The following FCHSD2 variants were observed in gnomAD, a reference collection of about 807,000 sequenced individuals.
FCHSD2 encodes F-BAR and double SH3 domains protein 2.
In FCHSD2, 38 loss-of-function variants were observed where a neutral mutation model predicts 108.1. The ratio of observed to expected loss-of-function variants is 0.35; its 90% confidence interval spans 0.27 to 0.46. FCHSD2 has a LOEUF of 0.46. Among genes scored for constraint, FCHSD2 ranks in the 20% least tolerant of loss-of-function variants. FCHSD2 has a pLI of 1.00. For synonymous variants in FCHSD2, 279 were observed against 314.7 expected, an observed-to-expected ratio of 0.89 and a Z score of 1.20; for missense variants, 751 against 897.8, an observed-to-expected ratio of 0.84 and a Z score of 2.09.
rs763496451 is a variant in FCHSD2, at chr11:72,849,768, A to T, written c.1430T>A (p.Val477Asp). 1.2e-6 allele frequency: 2 copies of T among 1,611,280 alleles called. No individual in the cohort carries two copies. Among genetic ancestry groups the T allele is most frequent in the East Asian group, 4.5e-5 (2 of 44,866 alleles). The change falls in exon 14 of 20, where the codon GTT becomes GAT. Residue 477 changes from valine to aspartate, a missense_variant. Coordinates refer to ENST00000409418, the MANE Select transcript of FCHSD2 (RefSeq NM_014824.3). ...AGAAATACAAACCTTGTAGGAATAAACAACTTTGCAGGTGAGTGGATAATT... is the reference window on the plus strand; with the variant it reads ...AGAAATACAAACCTTGTAGGAATAATCAACTTTGCAGGTGAGTGGATAATT... ...LRNYPLTCKV[V>D]YSYKASQPDE...
At chr11:72,980,663 A>ATG (rs1299967370) in intron 8 of FCHSD2, among the ~76,000 whole-genome samples, 113 of 107,206 alleles carry the variant, frequency 1.1e-3, no homozygotes, top group Non-Finnish European at 1.2e-3. Context: ...ATGTATGTGT[A>ATG]TGTGTGTGTG....
intron 8 of FCHSD2, among the ~76,000 whole-genome samples, chr11:72,965,214 C>T (rs1208516176): frequency 1.3e-5 from 2 of 152,180 alleles, no homozygotes; most frequent in South Asian, 4.1e-4. Context: ...TTGCTACACT[C>T]CAGCTGTACA....
intron 12 of FCHSD2, among the ~76,000 whole-genome samples, chr11:72,885,931 G>A (rs186867395): frequency 1.6e-3 from 250 of 152,232 alleles, no homozygotes; most frequent in Non-Finnish European, 3.0e-3. Flanking sequence ...GGGGTTACTG[G>A]GGTTTCTCCA....
chr11:73,108,700 C>T (rs1285545959), intron 2 of FCHSD2, among the ~76,000 whole-genome samples: 1 of 152,144 alleles, frequency 6.6e-6, no homozygotes, highest in Non-Finnish European at 1.5e-5. Context: ...TCCCGAGTAG[C>T]TGGGACTACA....
At position 72,924,220 on chromosome 11, in the gene FCHSD2, C is replaced by A. The variant is rs570717496; in HGVS notation, c.706-2270G>T. Among the ~76,000 whole-genome samples, 5 of 152,266 alleles carry A rather than the reference C, an allele frequency of 3.3e-5. No individual in the cohort carries two copies. In the South Asian group the frequency reaches 1.0e-3, roughly 32 times the overall value. On this transcript the variant is annotated intron_variant, in intron 8 of 19. Coordinates refer to ENST00000409418, the MANE Select transcript of FCHSD2 (RefSeq NM_014824.3). ...CCTCCTAAATAGCTGGGACCACAGG[C>A]ACTCACCACTGCATCTGGCTTACAA...
At chr11:73,000,222 A>C (rs1310703718) in intron 5 of FCHSD2, among the ~76,000 whole-genome samples, 1 of 152,222 alleles carries the variant, frequency 6.6e-6, no homozygotes, top group African/African-American at 2.4e-5. Flanking sequence ...GATGGCTTCT[A>C]AAATATTATT....
intron 12 of FCHSD2, among the ~76,000 whole-genome samples, chr11:72,875,981 G>A (rs1854960851): frequency 1.3e-5 from 2 of 152,206 alleles, no homozygotes; most frequent in Non-Finnish European, 2.9e-5. Flanking sequence ...CAGTCCTCTA[G>A]CTGAAAGTAA....
chr11:72,966,576 C>T (rs1856911193), intron 8 of FCHSD2, among the ~76,000 whole-genome samples: 1 of 152,128 alleles, frequency 6.6e-6, no homozygotes, highest in Non-Finnish European at 1.5e-5. Context: ...ACTGGTTTTT[C>T]ATTTTTGTGT....
At chr11:72,872,884 G>A (rs1413725537) in intron 12 of FCHSD2, among the ~76,000 whole-genome samples, 3 of 152,098 alleles carry the variant, frequency 2.0e-5, no homozygotes, top group Non-Finnish European at 4.4e-5. Flanking sequence ...TTTTCAACGT[G>A]GCTTTATCAT....
At chr11:73,132,824 GAA>G (rs35412486) in intron 2 of FCHSD2, among the ~76,000 whole-genome samples, 2 of 110,918 alleles carry the variant, frequency 1.8e-5, no homozygotes, top group Non-Finnish European at 1.7e-5. Flanking sequence ...AACGGTAACA[GAA>G]AAAAAAAAAA....
At chr11:73,045,552 A>G (rs1331043412) in intron 3 of FCHSD2, among the ~76,000 whole-genome samples, 2 of 151,592 alleles carry the variant, frequency 1.3e-5, no homozygotes, top group Non-Finnish European at 2.9e-5. Context: ...GATTAAGAAA[A>G]TGTGGCACAT....
intron 9 of FCHSD2, among the ~76,000 whole-genome samples, chr11:72,910,360 T>C (rs577396434): frequency 1.3e-5 from 2 of 151,686 alleles, no homozygotes; most frequent in Non-Finnish European, 1.5e-5. Context: ...CGGGCCATGA[T>C]GACGATGGCG....
intron 9 of FCHSD2, among the ~76,000 whole-genome samples, chr11:72,904,866 G>A (rs1165244816): frequency 6.6e-6 from 1 of 152,172 alleles, no homozygotes; most frequent in Non-Finnish European, 1.5e-5. Context: ...AGAGTTTCCT[G>A]TAGTCTGGGA....
chr11:72,947,887 A>G (rs547419584), intron 8 of FCHSD2, among the ~76,000 whole-genome samples: 1 of 152,344 alleles, frequency 6.6e-6, no homozygotes, highest in African/African-American at 2.4e-5. Flanking sequence ...CATATTATTT[A>G]TGATTCTCAT....
intron 3 of FCHSD2, among the ~76,000 whole-genome samples, chr11:73,078,086 A>G (rs1481715620): frequency 6.6e-6 from 1 of 152,060 alleles, no homozygotes; most frequent in East Asian, 1.9e-4. Context: ...TATGACTTGT[A>G]CTCTTCTCTG....
At chr11:73,004,555 A>G (rs1040765474) in intron 4 of FCHSD2, among the ~76,000 whole-genome samples, 1 of 151,918 alleles carries the variant, frequency 6.6e-6, no homozygotes, top group Admixed American at 6.6e-5. Context: ...TTTTCAGTTC[A>G]TTACCCAGCT....
At chr11:73,034,025 T>C (rs1173958087) in intron 3 of FCHSD2, among the ~76,000 whole-genome samples, 1 of 152,194 alleles carries the variant, frequency 6.6e-6, no homozygotes, top group Non-Finnish European at 1.5e-5. Context: ...ATAGCAAATA[T>C]ATCATCTTTT....
At chr11:73,095,467 CT>C (rs1860052125) in intron 2 of FCHSD2, among the ~76,000 whole-genome samples, 1 of 152,174 alleles carries the variant, frequency 6.6e-6, no homozygotes, top group Non-Finnish European at 1.5e-5. Flanking sequence ...AGACTCTCCC[CT>C]CTCCTCCAGT....
chr11:72,926,987 C>T (rs909937921), intron 8 of FCHSD2, among the ~76,000 whole-genome samples: 1 of 152,148 alleles, frequency 6.6e-6, no homozygotes. Flanking sequence ...GATTTACTTC[C>T]AACAGGGATT....
Sources: gnomAD v4.1 joint callset for allele counts (sites outside exome capture counted in the v4.1 genomes callset) on GRCh38, gnomAD v4.1.1 for gene constraint, MANE v1.5 for transcripts, NCBI Gene and HGNC (gene_info 2026-07-23, HGNC 2026-07-21) for gene names.